Variants in DCC observed in about 807,000 individuals in gnomAD.
DCC encodes DCC netrin 1 receptor.
A neutral mutation model predicts 172.5 loss-of-function variants in DCC; 58 were observed. That is an observed-to-expected ratio of 0.34 (90% confidence interval 0.27 to 0.42). The LOEUF (loss-of-function observed/expected upper bound fraction) is 0.42, where lower values mean the gene tolerates loss of function less well. Ranked by LOEUF, DCC falls within the 10% of genes least tolerant of loss-of-function variation. The probability of loss-of-function intolerance (pLI) is 1.00; values close to 1 mark genes in which losing one functional copy is unlikely to be tolerated. For missense variants in DCC, 1,740 were observed against 1,791.0 expected (o/e 0.97, Z 0.51); for synonymous variants, 709 against 644.5 (o/e 1.10, Z -1.52).
intron 5 of DCC, among the ~76,000 whole-genome samples, chr18:52,980,023 G>A (rs1412905810): frequency 1.2e-4 from 7 of 59,096 alleles, no homozygotes; most frequent in African/African-American, 3.7e-4. Context: ...ACATAGGCAC[G>A]GCTTTCGTGT....
rs912461268 is a variant in DCC at position 53,170,927 on chromosome 18, C to T, written c.1419-8035C>T. ...TTAAAACAAGGTCTTACTCTGTCAC[C>T]CAAGCTGGAGTGTAATGGCATGATC... On this transcript the variant is annotated intron_variant, in intron 8 of 28. Transcript: ENST00000442544. 3.3e-5 allele frequency among the ~76,000 whole-genome samples: 5 copies of T among 152,212 alleles called. No individual in the cohort carries two copies. The East Asian group carries it at 9.7e-4, about 29-fold the overall frequency.
chr18:53,225,194 G>A (rs1373192286), intron 12 of DCC, among the ~76,000 whole-genome samples: 1 of 152,146 alleles, frequency 6.6e-6, no homozygotes, highest in Non-Finnish European at 1.5e-5. Flanking sequence ...ACATTCGAGA[G>A]AGAGTATGAA....
intron 16 of DCC, among the ~76,000 whole-genome samples, chr18:53,387,366 T>C (rs1022376159): frequency 3.3e-5 from 5 of 152,234 alleles, no homozygotes; most frequent in Non-Finnish European, 7.3e-5. Flanking sequence ...TGTAGTCTCT[T>C]TGAATCTTTG....
At chr18:52,926,179 A>C (rs1299214392) in intron 5 of DCC, among the ~76,000 whole-genome samples, 1 of 151,924 alleles carries the variant, frequency 6.6e-6, no homozygotes, top group Non-Finnish European at 1.5e-5. Flanking sequence ...CAGAAAAATC[A>C]TAGTCTATTT....
At chr18:53,040,973 A>G (rs1289118258) in intron 5 of DCC, among the ~76,000 whole-genome samples, 1 of 151,970 alleles carries the variant, frequency 6.6e-6, no homozygotes, top group Admixed American at 6.6e-5. Flanking sequence ...AATTTCTTCC[A>G]TTGTGTAGGT....
At chr18:52,539,353 G>T (rs2032375810) in intron 1 of DCC, among the ~76,000 whole-genome samples, 1 of 152,050 alleles carries the variant, frequency 6.6e-6, no homozygotes, top group Non-Finnish European at 1.5e-5. Flanking sequence ...GAGATCTATT[G>T]TTCCAGGAGT....
chr18:53,199,587 T>C (rs2055503746), intron 9 of DCC, among the ~76,000 whole-genome samples: 1 of 127,542 alleles, frequency 7.8e-6, no homozygotes, highest in African/African-American at 3.0e-5. Context: ...AATAATATAT[T>C]CTTCATATAT....
At position 52,913,275 on chromosome 18, in the gene DCC, T is replaced by C. The variant is rs143731824; in HGVS notation, c.697+6947T>C. Reference sequence around the variant, plus strand: ...CATTCCATTCAGATGTAACAAAGCCTAATATGTTGATAAGCCTAACCTGAC... The same window carrying C: ...CATTCCATTCAGATGTAACAAAGCCCAATATGTTGATAAGCCTAACCTGAC... On this transcript the variant is annotated intron_variant, in intron 3 of 28. Coordinates refer to ENST00000442544, the MANE Select transcript of DCC (RefSeq NM_005215.4). Among the ~76,000 whole-genome samples, 315 of 152,240 alleles carry C rather than the reference T, an allele frequency of 2.1e-3. 1 individual carries two copies. The highest frequency in any genetic ancestry group is 7.3e-3 in the African/African-American group (302 of 41,578).
chr18:53,375,356 A>G (rs1304030087), intron 15 of DCC, among the ~76,000 whole-genome samples: 1 of 152,208 alleles, frequency 6.6e-6, no homozygotes. Flanking sequence ...AGAGAAGGCT[A>G]CCAGAAAGTA....
chr18:52,431,485 TC>T (rs1260253865), intron 1 of DCC, among the ~76,000 whole-genome samples: 1 of 152,060 alleles, frequency 6.6e-6, no homozygotes, highest in Non-Finnish European at 1.5e-5. Context: ...TGTAGCATAT[TC>T]AAAAGGGGAA....
At chr18:52,403,713 A>ATG (rs1222760474) in intron 1 of DCC, among the ~76,000 whole-genome samples, 3 of 151,918 alleles carry the variant, frequency 2.0e-5, no homozygotes, top group South Asian at 2.1e-4. Context: ...TTGTGTGTGT[A>ATG]TGTGTGTGTG....
intron 12 of DCC, among the ~76,000 whole-genome samples, chr18:53,240,460 C>T (rs895990697): frequency 2.0e-4 from 31 of 152,032 alleles, no homozygotes; most frequent in Non-Finnish European, 5.9e-5. Flanking sequence ...CTGGGTTTAC[C>T]ACTGGAAGGA....
intron 12 of DCC, among the ~76,000 whole-genome samples, chr18:53,237,805 G>T (rs1425333857): frequency 6.6e-6 from 1 of 152,056 alleles, no homozygotes; most frequent in Non-Finnish European, 1.5e-5. Flanking sequence ...ATCAAAAAAT[G>T]TCTGACAAAC....
chr18:53,107,995 A>G (rs1173023816), intron 7 of DCC, among the ~76,000 whole-genome samples: 1 of 151,714 alleles, frequency 6.6e-6, no homozygotes, highest in Non-Finnish European at 1.5e-5. Flanking sequence ...TAATCACTGG[A>G]AGAGCAATGC....
chr18:52,897,768 A>G lies in DCC; in HGVS notation c.413-8276A>G, dbSNP rs112358344. Among the ~76,000 whole-genome samples the G allele has an allele frequency of 8.1e-4, 123 of 152,280 alleles. 2 individuals carry two copies. In the South Asian group the frequency reaches 9.1e-3, roughly 11 times the overall value. The stretch of plus-strand genomic sequence containing the variant: ...ACATGCTTACCAGGACTTCCTTTGC[A>G]ATGTCCACCATAGAGCAATTGCTCT... On this transcript the variant is annotated intron_variant, in intron 2 of 28. Coordinates refer to ENST00000442544, the MANE Select transcript of DCC (RefSeq NM_005215.4).
At chr18:52,961,978 A>C (rs1415763289) in intron 5 of DCC, among the ~76,000 whole-genome samples, 2 of 152,152 alleles carry the variant, frequency 1.3e-5, no homozygotes, top group East Asian at 1.9e-4. Flanking sequence ...TAAAGACTTA[A>C]ATGTTAGACC....
chr18:52,700,721 G>C (rs543021880), intron 1 of DCC, among the ~76,000 whole-genome samples: 5 of 152,178 alleles, frequency 3.3e-5, no homozygotes, highest in Admixed American at 6.5e-5. Flanking sequence ...TATATTTGCT[G>C]TCTTAAAATG....
At chr18:53,016,242 A>G (rs912090803) in intron 5 of DCC, among the ~76,000 whole-genome samples, 14 of 152,126 alleles carry the variant, frequency 9.2e-5, no homozygotes, top group African/African-American at 2.9e-4. Flanking sequence ...ATTTCTAGGT[A>G]GTGTTTAAAC....
intron 12 of DCC, among the ~76,000 whole-genome samples, chr18:53,260,479 T>G (rs1309430787): frequency 1.3e-5 from 2 of 152,058 alleles, no homozygotes; most frequent in Non-Finnish European, 2.9e-5. Flanking sequence ...TCCAGACACT[T>G]TTTGCCTGGG....
Sources: allele counts gnomAD v4.1 joint callset (sites outside exome capture counted in the v4.1 genomes callset), GRCh38; gene constraint gnomAD v4.1.1; transcripts MANE v1.5; gene names NCBI Gene and HGNC (gene_info 2026-07-23, HGNC 2026-07-21).